SHTN1: variants seen among roughly 807,000 people sequenced by gnomAD.
SHTN1 encodes the protein shootin 1, also known as shootin-1.
A neutral mutation model predicts 83.1 loss-of-function variants in SHTN1; 42 were observed. That is an observed-to-expected ratio of 0.51 (90% CI 0.39 to 0.65). The LOEUF (loss-of-function observed/expected upper bound fraction) is 0.65, where lower values mean the gene tolerates loss of function less well. Ranked by LOEUF, SHTN1 falls within the 30% of genes least tolerant of loss-of-function variation. SHTN1 has a pLI of 0.00. For missense variants in SHTN1, 622 were observed against 737.8 expected (o/e 0.84, Z 1.82); for synonymous variants, 224 against 247.7 (o/e 0.90, Z 0.90).
intron 16 of SHTN1, among the ~76,000 whole-genome samples, chr10:116,899,546 T>TGAGA (rs59129110): frequency 8.1e-6 from 1 of 123,896 alleles, no homozygotes; most frequent in African/African-American, 2.9e-5. Flanking sequence ...TGTGTGTGTG[T>TGAGA]GAGAGAGTGC....
In SHTN1 at chr10:116,883,244, CTACTTA is replaced by C. The variant is rs1847073378; in HGVS notation, c.*3094_*3099del. 1 of 152,112 alleles carries C rather than the reference CTACTTA, an allele frequency of 6.6e-6. No individual in the cohort carries two copies. Among genetic ancestry groups the C allele is most frequent in the Non-Finnish European group, 1.5e-5 (1 of 68,024 alleles). 9.4% of individuals were successfully genotyped at this position (152,112 alleles called of 1,614,324 possible). On this transcript the variant is annotated 3_prime_UTR_variant, in exon 17 of 17. Transcript: ENST00000355371. ...TTTCTTAGGGTGCTAGGCACTCTTT[CTACTTA>C]TACTTTCTCTCTCTTGTGTTATATA...
In SHTN1 at chr10:116,901,948, C is replaced by G. The variant is rs919142769; in HGVS notation, c.1490G>C (p.Gly497Ala). The change falls in exon 16 of 17, where the codon GGG becomes GCG. Residue 497 changes from glycine (G) to alanine (A), a missense_variant. Gly to Ala is a moderately conservative substitution (Grantham distance 60). Coordinates refer to ENST00000355371, the MANE Select transcript of SHTN1 (RefSeq NM_001127211.3). ...TTTGGACTCTGAGGTGGCTAATATC[C>G]CAGTTGGACCTTAAAACCAAACACA... ...TAEADSSSPT[G>A]ILATSESKSM... 9 of 1,595,630 alleles carry G rather than the reference C, an allele frequency of 5.6e-6. No individual in the cohort carries two copies. Among genetic ancestry groups the G allele is most frequent in the Non-Finnish European group, 6.8e-6 (8 of 1,173,482 alleles).
intron 2 of SHTN1, among the ~76,000 whole-genome samples, chr10:117,011,730 A>G (rs775417003): frequency 1.3e-5 from 2 of 152,228 alleles, no homozygotes; most frequent in Non-Finnish European, 2.9e-5. Flanking sequence ...ATACTGAAGC[A>G]CTTAGGTATA....
intron 2 of SHTN1, among the ~76,000 whole-genome samples, chr10:117,025,530 G>T (rs1037264122): frequency 6.6e-6 from 1 of 152,130 alleles, no homozygotes; most frequent in African/African-American, 2.4e-5. Context: ...ATACTGAACT[G>T]GTGGTAGGGG....
intron 14 of SHTN1, among the ~76,000 whole-genome samples, chr10:116,910,412 T>C (rs1848144714): frequency 6.6e-6 from 1 of 152,230 alleles, no homozygotes; most frequent in Non-Finnish European, 1.5e-5. Flanking sequence ...ACTTATAAAT[T>C]ATTTCACAAA....
chr10:117,095,081 T>A (rs1853486067), intron 1 of SHTN1, among the ~76,000 whole-genome samples: 1 of 152,188 alleles, frequency 6.6e-6, no homozygotes, highest in Admixed American at 6.5e-5. Context: ...GCTTTTTGTG[T>A]AAACCGTCAA....
In SHTN1 at chr10:116,921,415, C is replaced by A. The variant is rs1848560861; in HGVS notation, c.1195+19G>T. On this transcript the variant is annotated intron_variant, in intron 12 of 16. Coordinates refer to ENST00000355371, the MANE Select transcript of SHTN1 (RefSeq NM_001127211.3). ...ATGGTACACCATCAACCACTTACACCAATAGAAGTGATGCTTACTTGTTTC... is the reference window on the plus strand; with the variant it reads ...ATGGTACACCATCAACCACTTACACAAATAGAAGTGATGCTTACTTGTTTC... 1 of 1,583,554 alleles carries A rather than the reference C, an allele frequency of 6.3e-7. No individual in the cohort carries two copies. Among genetic ancestry groups the A allele is most frequent in the Non-Finnish European group, 8.7e-7 (1 of 1,153,526 alleles).
chr10:117,024,316 T>A (rs536468791), intron 2 of SHTN1, among the ~76,000 whole-genome samples: 1 of 151,810 alleles, frequency 6.6e-6, no homozygotes, highest in Non-Finnish European at 1.5e-5. Flanking sequence ...GAGGTTTAGG[T>A]TGTACAGATG....
intron 1 of SHTN1, 139 bp downstream of exon 1, chr10:117,004,883 G>A (rs935039887): frequency 7.6e-6 from 5 of 658,546 alleles, no homozygotes; most frequent in Admixed American, 3.4e-5. Flanking sequence ...GCTTCTCTGC[G>A]GGTGACGGAG....
At chr10:117,066,816 T>C (rs1435789761) in intron 1 of SHTN1, among the ~76,000 whole-genome samples, 1 of 152,198 alleles carries the variant, frequency 6.6e-6, no homozygotes, top group African/African-American at 2.4e-5. Context: ...TCATTTCTGG[T>C]ACTATTCTTA....
intron 12 of SHTN1, among the ~76,000 whole-genome samples, chr10:116,920,164 T>C (rs1015654359): frequency 6.6e-6 from 1 of 152,122 alleles, no homozygotes; most frequent in Non-Finnish European, 1.5e-5. Context: ...ATGTTGTTTA[T>C]ACTAACAAAA....
intron 7 of SHTN1, among the ~76,000 whole-genome samples, chr10:116,946,796 C>T (rs1277156313): frequency 1.3e-5 from 2 of 151,452 alleles, no homozygotes; most frequent in Non-Finnish European, 1.5e-5. Flanking sequence ...TGGTTCACTG[C>T]AACCTCCGCC....
intron 1 of SHTN1, among the ~76,000 whole-genome samples, chr10:117,077,131 C>A (rs1030757884): frequency 1.3e-5 from 2 of 152,182 alleles, no homozygotes; most frequent in African/African-American, 2.4e-5. Context: ...TGCTTCACCT[C>A]TACGAATAGG....
intron 15 of SHTN1, among the ~76,000 whole-genome samples, chr10:116,903,171 T>C (rs1377465823): frequency 2.0e-5 from 3 of 152,226 alleles, no homozygotes; most frequent in Non-Finnish European, 4.4e-5. Flanking sequence ...AGTTTCTATC[T>C]TCCCCATTTA....
chr10:117,067,442 A>C (rs1853018546), intron 1 of SHTN1, among the ~76,000 whole-genome samples: 1 of 152,174 alleles, frequency 6.6e-6, no homozygotes, highest in South Asian at 2.1e-4. Flanking sequence ...AAGAAATACA[A>C]AAATTAGCCA....
In SHTN1 at chr10:116,882,676, C is replaced by T. The variant is rs1397067452; in HGVS notation, c.*3668G>A. ...AATTCTATAATTTTTATTAAGCACA[C>T]TGAGGACCTCTCCTTTTAAAGAGTA... is the stretch of plus-strand genomic sequence containing the variant. On this transcript the variant is annotated 3_prime_UTR_variant, in exon 17 of 17. Coordinates refer to ENST00000355371, the MANE Select transcript of SHTN1 (RefSeq NM_001127211.3). The T allele has an allele frequency of 6.6e-6, 1 of 152,214 alleles. No homozygotes were observed. Among genetic ancestry groups the T allele is most frequent in the Non-Finnish European group, 1.5e-5 (1 of 68,042 alleles). 9.4% of individuals were successfully genotyped at this position (152,214 alleles called of 1,614,324 possible). A position where few individuals can be genotyped will look rare whatever the true frequency, so the allele number is the denominator to read the frequency against.
At position 116,923,069 on chromosome 10, in the gene SHTN1, A is replaced by G. The variant is rs559216913; in HGVS notation, c.1113-1553T>C. Reference sequence around the variant, plus strand: ...TAAAGTTCAAAACCAGGCCATACAGATATTTACAATAGTTTAGGGATACAT... The same window carrying G: ...TAAAGTTCAAAACCAGGCCATACAGGTATTTACAATAGTTTAGGGATACAT... On this transcript the variant is annotated intron_variant, in intron 11 of 16. Transcript: ENST00000355371. Among the ~76,000 whole-genome samples, 76 of 152,312 alleles carry G rather than the reference A, an allele frequency of 5.0e-4. 1 individual carries two copies. Among genetic ancestry groups the G allele is most frequent in the Middle Eastern group, 6.8e-3 (2 of 294 alleles).
intron 16 of SHTN1, among the ~76,000 whole-genome samples, chr10:116,898,062 T>C (rs1847584176): frequency 6.6e-6 from 1 of 152,224 alleles, no homozygotes; most frequent in Non-Finnish European, 1.5e-5. Context: ...GCGTGGTGGC[T>C]CATCCCTGTA....
intron 16 of SHTN1, among the ~76,000 whole-genome samples, chr10:116,890,997 C>T (rs902645865): frequency 5.9e-5 from 9 of 152,194 alleles, no homozygotes; most frequent in East Asian, 1.9e-4. Flanking sequence ...GCTAACATTT[C>T]GGCTGCAATT....
Sources: allele counts gnomAD v4.1 joint callset (sites outside exome capture counted in the v4.1 genomes callset), GRCh38; gene constraint gnomAD v4.1.1; transcripts MANE v1.5; gene names NCBI Gene and HGNC (gene_info 2026-07-23, HGNC 2026-07-21).